Variants in GRIN2A observed in about 807,000 individuals in gnomAD.
GRIN2A encodes the protein glutamate receptor ionotropic, NMDA 2A.
A neutral mutation model predicts 113.4 loss-of-function variants in GRIN2A; 22 were observed. That is an observed-to-expected ratio of 0.19 (90% CI 0.14 to 0.28). GRIN2A has a LOEUF of 0.28. GRIN2A is among the 10% of genes least tolerant of loss of function. The pLI is 1.00. For synonymous variants in GRIN2A, 827 were observed against 738.4 expected (o/e 1.12, Z -1.94); for missense variants, 1,502 against 1,887.0 (o/e 0.80, Z 3.78).
intron 2 of GRIN2A, among the ~76,000 whole-genome samples, chr16:10,163,390 G>C (rs1036588027): frequency 5.3e-5 from 8 of 152,078 alleles, no homozygotes; most frequent in Admixed American, 2.0e-4. Flanking sequence ...CTTTTTCAGG[G>C]CATGGTTAAT....
chr16:9,794,801 C>T (rs1452974413), intron 11 of GRIN2A: 1 of 152,198 alleles, frequency 6.6e-6, no homozygotes, highest in Admixed American at 6.5e-5. Context: ...AAGACCTTTT[C>T]TGTTTAGCAC....
rs16966419 is a variant in GRIN2A, at chr16:9,823,529, T to C, written c.2008-1105A>G. Among the ~76,000 whole-genome samples the C allele has an allele frequency of 3.2e-3, 488 of 152,316 alleles. 2 individuals are homozygous for C. Among genetic ancestry groups the C allele is most frequent in the African/African-American group, 0.011 (465 of 41,566 alleles). On this transcript the variant is annotated intron_variant, in intron 9 of 12. Coordinates refer to ENST00000330684, the MANE Select transcript of GRIN2A (RefSeq NM_001134407.3). Reference sequence around the variant, plus strand: ...TATCATTATGAGTGAAAAAGGAACCTGAACCTCATTTTTCTATGAAACATT... The same window carrying C: ...TATCATTATGAGTGAAAAAGGAACCCGAACCTCATTTTTCTATGAAACATT...
intron 4 of GRIN2A, among the ~76,000 whole-genome samples, chr16:9,868,542 C>T (rs563329681): frequency 2.6e-4 from 39 of 152,332 alleles, no homozygotes; most frequent in Non-Finnish European, 5.3e-4. Context: ...GGTGGGATTA[C>T]AGGCATGAGC....
intron 8 of GRIN2A, among the ~76,000 whole-genome samples, 178 bp downstream of exon 8, chr16:9,833,927 C>T (rs2141324628): frequency 1.3e-5 from 2 of 152,266 alleles, no homozygotes; most frequent in Non-Finnish European, 2.9e-5. Flanking sequence ...CCATATTGGT[C>T]AGGCTGGTTC....
intron 12 of GRIN2A, among the ~76,000 whole-genome samples, chr16:9,767,907 G>A (rs1206399182): frequency 1.3e-5 from 2 of 152,058 alleles, no homozygotes; most frequent in Non-Finnish European, 2.9e-5. Flanking sequence ...ATTTTGTTTT[G>A]TTGGGCATGT....
chr16:10,147,879 T>C (rs1179856541), intron 2 of GRIN2A, among the ~76,000 whole-genome samples: 1 of 152,204 alleles, frequency 6.6e-6, no homozygotes, highest in Non-Finnish European at 1.5e-5. Context: ...TATTCTTTCC[T>C]CTACGAACTC....
At position 9,764,449 on chromosome 16, in the gene GRIN2A, G is replaced by A; in HGVS notation, c.3095C>T (p.Ser1032Phe). The change falls in exon 13 of 13, where the codon TCC becomes TTC. Residue 1032 changes from serine (S) to phenylalanine (F), a missense_variant. Physicochemically the swap from Ser to Phe is radical, Grantham distance 155 (BLOSUM62 -2). This residue lies in a region of GRIN2A where 832 missense variants were observed against 789.7 expected (regional missense o/e 1.05). Transcript: ENST00000330684. The stretch of plus-strand genomic sequence containing the variant: ...CTCTGCTGTTGCCTCATCCCTCTGG[G>A]AGACTGGATTCTGGGATAGTGAATC... ...RQDSLSQNPV[S>F]QRDEATAENR... is the part of the protein sequence containing the mutation. The A allele has an allele frequency of 1.9e-6, 3 of 1,614,116 alleles. 1 individual carries two copies. The highest frequency in any genetic ancestry group is 2.7e-5 in the African/African-American group (2 of 75,036).
At chr16:10,165,332 A>G (rs1185354337) in intron 2 of GRIN2A, among the ~76,000 whole-genome samples, 2 of 151,944 alleles carry the variant, frequency 1.3e-5, no homozygotes, top group Admixed American at 1.3e-4. Context: ...AGAGGGAAAT[A>G]AACCAAAATG....
intron 4 of GRIN2A, among the ~76,000 whole-genome samples, chr16:9,873,795 C>A (rs572282912): frequency 6.6e-6 from 1 of 152,178 alleles, no homozygotes; most frequent in Admixed American, 6.5e-5. Context: ...CCCTGCTTTC[C>A]TATGTTAGAT....
chr16:10,078,750 G>C (rs1411704454), intron 2 of GRIN2A, among the ~76,000 whole-genome samples: 2 of 152,170 alleles, frequency 1.3e-5, no homozygotes, highest in African/African-American at 2.4e-5. Context: ...GGCCAAGAGA[G>C]GTGAGAAGCT....
intron 2 of GRIN2A, among the ~76,000 whole-genome samples, chr16:10,110,743 A>G (rs2142144039): frequency 6.6e-6 from 1 of 152,350 alleles, no homozygotes; most frequent in African/African-American, 2.4e-5. Flanking sequence ...AAAACTTCCC[A>G]GGCTCCACTC....
At position 9,991,216 on chromosome 16, in the gene GRIN2A, C is replaced by T. The variant is rs551808270; in HGVS notation, c.415-52665G>A. ...GAGTTATCAGATTTAATGCTTCCAA[C>T]GACTTAATATCAGGTAGTATTATTA... On this transcript the variant is annotated intron_variant, in intron 2 of 12. Transcript: ENST00000330684. Among the ~76,000 whole-genome samples, 159 of 152,308 alleles carry T rather than the reference C, an allele frequency of 1.0e-3. 1 individual carries two copies. The highest frequency in any genetic ancestry group is 3.7e-3 in the African/African-American group (152 of 41,552).
chr16:9,769,218 C>T (rs1901107007), intron 11 of GRIN2A, 129 bp from the exon 12 acceptor site: 14 of 755,758 alleles, frequency 1.9e-5, no homozygotes. Flanking sequence ...TCTGAGTTTG[C>T]TGGGTTTCCA....
intron 11 of GRIN2A, among the ~76,000 whole-genome samples, chr16:9,783,760 A>G (rs953149294): frequency 3.9e-5 from 6 of 152,236 alleles, no homozygotes; most frequent in African/African-American, 1.4e-4. Flanking sequence ...ACGTCTGCCA[A>G]TCACAGGATA....
At chr16:10,122,766 C>G (rs1216806083) in intron 2 of GRIN2A, among the ~76,000 whole-genome samples, 1 of 152,096 alleles carries the variant, frequency 6.6e-6, no homozygotes, top group Admixed American at 6.5e-5. Context: ...AATTGACGCA[C>G]GATCAGCATA....
chr16:10,125,642 A>AAG (rs1304323604), intron 2 of GRIN2A, among the ~76,000 whole-genome samples: 3 of 101,856 alleles, frequency 2.9e-5, no homozygotes, highest in South Asian at 8.9e-4. Flanking sequence ...AAAAAAAAAA[A>AAG]AAAAAAGACT....
intron 2 of GRIN2A, among the ~76,000 whole-genome samples, chr16:10,144,116 G>T (rs13337679): frequency 0.017 from 2,632 of 152,184 alleles, 80 homozygotes; most frequent in African/African-American, 0.06. Context: ...TGGGATTGCT[G>T]GATCATAAGA....
intron 3 of GRIN2A, among the ~76,000 whole-genome samples, chr16:9,905,823 G>C (rs1231730096): frequency 1.3e-5 from 2 of 152,142 alleles, no homozygotes; most frequent in East Asian, 1.9e-4. Flanking sequence ...AAAGTTGATA[G>C]GTAAGACACA....
At chr16:10,108,881 G>T (rs2048551541) in intron 2 of GRIN2A, among the ~76,000 whole-genome samples, 1 of 151,972 alleles carries the variant, frequency 6.6e-6, no homozygotes, top group South Asian at 2.1e-4. Context: ...ATAATCAGAG[G>T]AGAAGGCAAG....
Sources: allele counts gnomAD v4.1 joint callset (sites outside exome capture counted in the v4.1 genomes callset), GRCh38; gene constraint gnomAD v4.1.1; regional missense constraint gnomAD v4.1.1; transcripts MANE v1.5; gene names NCBI Gene and HGNC (gene_info 2026-07-23, HGNC 2026-07-21).